The following FAM13A variants were observed in gnomAD, a reference collection of about 807,000 sequenced individuals.
FAM13A encodes family with sequence similarity 13 member A.
A neutral mutation model predicts 129.6 loss-of-function variants in FAM13A; 76 were observed. That is an observed-to-expected ratio of 0.59 (90% confidence interval 0.49 to 0.71). The LOEUF is 0.71. Among genes scored for constraint, FAM13A ranks in the 30% least tolerant of loss-of-function variants. The probability of loss-of-function intolerance (pLI) is 0.00; values close to 1 mark genes in which losing one functional copy is unlikely to be tolerated. For synonymous variants in FAM13A, 443 were observed against 449.9 expected, an observed-to-expected ratio of 0.98 and a Z score of 0.20; for missense variants, 1,108 against 1,249.3, an observed-to-expected ratio of 0.89 and a Z score of 1.70.
chr4:88,971,149 C>G (rs568445130), intron 4 of FAM13A, among the ~76,000 whole-genome samples: 1 of 152,068 alleles, frequency 6.6e-6, no homozygotes, highest in Non-Finnish European at 1.5e-5. Context: ...ACCCGGGAGG[C>G]GGAGCTTGCA....
intron 3 of FAM13A, among the ~76,000 whole-genome samples, chr4:89,013,835 A>G (rs1766081186): frequency 6.6e-6 from 1 of 152,218 alleles, no homozygotes. Context: ...CTGATGAGAA[A>G]AAAATAATCA....
At chr4:89,025,776 T>A (rs991398095) in intron 2 of FAM13A, among the ~76,000 whole-genome samples, 1 of 152,030 alleles carries the variant, frequency 6.6e-6, no homozygotes, top group East Asian at 1.9e-4. Flanking sequence ...ATATTTGTGA[T>A]AAAAGGGAAA....
chr4:88,821,595 C>G (rs983729999), intron 7 of FAM13A, among the ~76,000 whole-genome samples: 3 of 152,212 alleles, frequency 2.0e-5, no homozygotes, highest in Admixed American at 6.5e-5. Flanking sequence ...AGCCAATATT[C>G]TTATCTAGAA....
chr4:89,012,050 C>T (rs1338389573), intron 3 of FAM13A, among the ~76,000 whole-genome samples: 1 of 152,080 alleles, frequency 6.6e-6, no homozygotes, highest in Non-Finnish European at 1.5e-5. Flanking sequence ...AATAAAAATA[C>T]TCAACTATGA....
chr4:89,031,896 T>C (rs1579855276), intron 1 of FAM13A, among the ~76,000 whole-genome samples: 4 of 152,224 alleles, frequency 2.6e-5, no homozygotes, highest in South Asian at 4.1e-4. Context: ...CGAGGTTTTC[T>C]TAGAAATTCT....
chr4:88,806,646 C>G (rs77098776), intron 7 of FAM13A, among the ~76,000 whole-genome samples: 35 of 152,164 alleles, frequency 2.3e-4, no homozygotes, highest in African/African-American at 8.2e-4. Context: ...TTGCCAAATA[C>G]CTTAATGTTT....
intron 3 of FAM13A, among the ~76,000 whole-genome samples, chr4:88,992,952 A>C (rs967913421): frequency 1.3e-5 from 2 of 152,208 alleles, no homozygotes; most frequent in African/African-American, 4.8e-5. Context: ...GAAATGAGAT[A>C]CAAAATCAGA....
chr4:88,748,185 C>T (rs1222948102), intron 17 of FAM13A, among the ~76,000 whole-genome samples: 2 of 152,204 alleles, frequency 1.3e-5, no homozygotes, highest in African/African-American at 4.8e-5. Flanking sequence ...AGCCACTGCG[C>T]CCGGCCTGAT....
At chr4:88,895,366 A>G (rs534603444) in intron 6 of FAM13A, among the ~76,000 whole-genome samples, 2 of 152,272 alleles carry the variant, frequency 1.3e-5, no homozygotes, top group South Asian at 4.1e-4. Context: ...ACTTGGTAAA[A>G]TTCATGTCTA....
chr4:88,999,580 T>C (rs1475857239), intron 3 of FAM13A, among the ~76,000 whole-genome samples: 2 of 152,224 alleles, frequency 1.3e-5, no homozygotes, highest in Non-Finnish European at 2.9e-5. Flanking sequence ...GAAATCATAC[T>C]ACCACCAGTT....
intron 14 of FAM13A, chr4:88,753,735 A>AGTTTT: frequency 6.0e-6 from 2 of 333,564 alleles, no homozygotes; most frequent in Non-Finnish European, 8.5e-6. Context: ...CTAAGGGATC[A>AGTTTT]ATAAAACTGT....
intron 6 of FAM13A, among the ~76,000 whole-genome samples, chr4:88,889,345 A>T (rs1238672330): frequency 2.0e-5 from 3 of 152,100 alleles, no homozygotes; most frequent in African/African-American, 7.2e-5. Context: ...AGATCCTCAG[A>T]CCAAGAAGAG....
intron 6 of FAM13A, among the ~76,000 whole-genome samples, chr4:88,864,983 T>G (rs575616726): frequency 1.3e-5 from 2 of 152,092 alleles, no homozygotes; most frequent in South Asian, 4.1e-4. Flanking sequence ...GTGAAAAATA[T>G]CAGGAAAAAT....
chr4:88,849,099 T>G (rs1266699646), intron 7 of FAM13A, among the ~76,000 whole-genome samples: 1 of 152,262 alleles, frequency 6.6e-6, no homozygotes. Flanking sequence ...CGCCTGAATC[T>G]TATTTATGAT....
rs754611354 is a variant in FAM13A, at chr4:89,029,643, T to C, written c.34A>G (p.Lys12Glu). Reference sequence around the variant, plus strand: ...TCTTCTTTCAGCCGAACCGCTGCTTTACTTTGCTTAAAGGAGCGTAAGAAA... The same window carrying C: ...TCTTCTTTCAGCCGAACCGCTGCTTCACTTTGCTTAAAGGAGCGTAAGAAA... ...GAGALAICQSKAAVRLKEDMK... is the reference protein window; with the variant it reads ...GAGALAICQSEAAVRLKEDMK... The change falls in exon 2 of 24, where the codon AAA becomes GAA. Residue 12 changes from lysine to glutamate, a missense_variant. By Grantham distance (56) the Lys-to-Glu change is moderately conservative. This residue lies in a region of FAM13A where 566 missense variants were observed against 595.7 expected (regional missense o/e 0.95). Transcript: ENST00000264344. 1.3e-6 allele frequency: 2 copies of C among 1,576,428 alleles called. No homozygotes were observed. Among genetic ancestry groups the C allele is most frequent in the Non-Finnish European group, 1.7e-6 (2 of 1,168,398 alleles).
intron 6 of FAM13A, among the ~76,000 whole-genome samples, chr4:88,871,342 T>G (rs1274860191): frequency 1.3e-5 from 2 of 152,132 alleles, no homozygotes; most frequent in South Asian, 4.1e-4. Context: ...AATAACAAAC[T>G]TCTTCGAGCT....
intron 23 of FAM13A, chr4:88,729,059 G>GT (rs529829067): frequency 0.016 from 1,282 of 78,074 alleles, 14 homozygotes; most frequent in African/African-American, 0.032. Context: ...CCACAACTTA[G>GT]TTTTTTTTTT....
chr4:89,029,807 T>C (rs1181345480), intron 1 of FAM13A, 158 bp from the exon 2 acceptor site: 5 of 680,996 alleles, frequency 7.3e-6, no homozygotes, highest in Non-Finnish European at 1.3e-5. Context: ...ATCTCTCACA[T>C]GTTGCTCAGA....
intron 2 of FAM13A, among the ~76,000 whole-genome samples, chr4:89,024,576 A>G (rs996047223): frequency 6.6e-6 from 1 of 152,190 alleles, no homozygotes; most frequent in Non-Finnish European, 1.5e-5. Context: ...AATTACATGA[A>G]TGGTCACCCC....
Sources: gnomAD v4.1 joint callset for allele counts (sites outside exome capture counted in the v4.1 genomes callset) on GRCh38, gnomAD v4.1.1 for gene constraint, gnomAD v4.1.1 regional missense constraint, MANE v1.5 for transcripts, NCBI Gene and HGNC (gene_info 2026-07-23, HGNC 2026-07-21) for gene names.